The following CSNK1G3 variants were observed in gnomAD, a reference collection of about 807,000 sequenced individuals.
CSNK1G3 encodes casein kinase I isoform gamma-3.
CSNK1G3 carries 23 observed loss-of-function variants against 64.3 expected under a neutral mutation model. The ratio of observed to expected loss-of-function variants is 0.36; its 90% CI spans 0.26 to 0.51. The LOEUF (loss-of-function observed/expected upper bound fraction) is 0.51, where lower values mean the gene tolerates loss of function less well. Ranked by LOEUF, CSNK1G3 falls within the 20% of genes least tolerant of loss-of-function variation. The probability of loss-of-function intolerance (pLI) is 0.96; values close to 1 mark genes in which losing one functional copy is unlikely to be tolerated. For synonymous variants in CSNK1G3, 158 were observed against 162.2 expected (o/e 0.97, Z 0.20); for missense variants, 357 against 510.5 (o/e 0.70, Z 2.90).
chr5:123,573,118 C>G (rs1419806471), intron 4 of CSNK1G3, among the ~76,000 whole-genome samples: 1 of 152,072 alleles, frequency 6.6e-6, no homozygotes, highest in Non-Finnish European at 1.5e-5. Context: ...CAGCTTTTGT[C>G]CAGTAATAAG....
At chr5:123,549,048 T>A (rs1228061389) in intron 2 of CSNK1G3, among the ~76,000 whole-genome samples, 1 of 152,236 alleles carries the variant, frequency 6.6e-6, no homozygotes, top group East Asian at 1.9e-4. Flanking sequence ...AAATTCAAAG[T>A]ATGATTTCTA....
At chr5:123,599,139 GA>G (rs1793982780) in intron 10 of CSNK1G3, among the ~76,000 whole-genome samples, 2 of 152,236 alleles carry the variant, frequency 1.3e-5, no homozygotes, top group Non-Finnish European at 1.5e-5. Context: ...AGTGCAAACT[GA>G]AAATCTGATC....
intron 3 of CSNK1G3, among the ~76,000 whole-genome samples, chr5:123,553,593 G>T (rs1012970068): frequency 7.9e-5 from 12 of 152,210 alleles, no homozygotes; most frequent in African/African-American, 2.9e-4. Flanking sequence ...ATATGGCAAA[G>T]CTGGCTATTG....
intron 4 of CSNK1G3, among the ~76,000 whole-genome samples, chr5:123,567,683 A>G (rs1428103859): frequency 6.6e-6 from 1 of 152,228 alleles, no homozygotes; most frequent in Non-Finnish European, 1.5e-5. Flanking sequence ...GAAGTAAGTA[A>G]TAAAAGTTTG....
At chr5:123,551,835 A>G (rs1315948203) in intron 2 of CSNK1G3, among the ~76,000 whole-genome samples, 1 of 152,206 alleles carries the variant, frequency 6.6e-6, no homozygotes, top group African/African-American at 2.4e-5. Flanking sequence ...TCCTCACTAT[A>G]AAAGTAATAC....
intron 4 of CSNK1G3, among the ~76,000 whole-genome samples, chr5:123,567,584 C>A (rs138723421): frequency 6.6e-6 from 1 of 151,904 alleles, no homozygotes; most frequent in African/African-American, 2.4e-5. Flanking sequence ...CCAGCCTGGG[C>A]AATAGAGTGA....
intron 11 of CSNK1G3, 120 bp downstream of exon 12, chr5:123,604,950 CA>C (rs1314407843): frequency 1.5e-6 from 1 of 672,752 alleles, no homozygotes; most frequent in African/African-American, 1.8e-5. Flanking sequence ...GCATGCAAAA[CA>C]AGTGGTATGC....
At chr5:123,574,626 A>T (rs143633986) in intron 5 of CSNK1G3, among the ~76,000 whole-genome samples, 6 of 152,110 alleles carry the variant, frequency 3.9e-5, no homozygotes, top group African/African-American at 1.4e-4. Context: ...TTCAAGATCA[A>T]TCTGGGCAAC....
chr5:123,545,906 T>C, intron 2 of CSNK1G3, 65 bp downstream of exon 2: 2 of 1,272,256 alleles, frequency 1.6e-6, no homozygotes, highest in South Asian at 1.3e-5. Context: ...TACTTTTTAA[T>C]GAAAATGATT....
intron 2 of CSNK1G3, among the ~76,000 whole-genome samples, chr5:123,551,941 A>G (rs1439009575): frequency 6.6e-6 from 1 of 152,140 alleles, no homozygotes; most frequent in Non-Finnish European, 1.5e-5. Flanking sequence ...TTATCTTCAT[A>G]TACTTAGTGC....
chr5:123,527,180 T>C (rs1779240003), intron 1 of CSNK1G3, among the ~76,000 whole-genome samples: 1 of 152,188 alleles, frequency 6.6e-6, no homozygotes, highest in Non-Finnish European at 1.5e-5. Flanking sequence ...AATAGTGATT[T>C]ACGGGAGCCT....
At chr5:123,605,303 T>A (rs1795165811) in intron 11 of CSNK1G3, 36 bp from the exon 13 acceptor site, 8 of 1,574,866 alleles carry the variant, frequency 5.1e-6, no homozygotes, top group African/African-American at 1.4e-5. Flanking sequence ...TCTCTCTTTT[T>A]TTTCCTTGTA....
At chr5:123,610,201 G>T (rs1163898173) in intron 12 of CSNK1G3, among the ~76,000 whole-genome samples, 3 of 152,098 alleles carry the variant, frequency 2.0e-5, no homozygotes, top group Non-Finnish European at 4.4e-5. Context: ...TAGCTAAATG[G>T]TTCCTCGTTT....
rs1443954568 is a variant in CSNK1G3 at position 123,514,484 on chromosome 5, G to A, written c.-248+1914G>A. On this transcript the variant is annotated intron_variant, in intron 1 of 12. Transcript: ENST00000345990. ...TACTCTGTGGCAAGGATGGAACAGT[G>A]GGTAGAATATGAAGATGAATGAGAC... Among the ~76,000 whole-genome samples, 10 of 152,320 alleles carry A rather than the reference G, an allele frequency of 6.6e-5. No homozygotes were observed. The East Asian group carries it at 1.9e-3, about 29-fold the overall frequency.
chr5:123,572,873 G>A (rs7707274), intron 4 of CSNK1G3, among the ~76,000 whole-genome samples: 34,370 of 152,122 alleles, frequency 0.23, 4,146 homozygotes, highest in African/African-American at 0.29. Context: ...TACATTTGCC[G>A]TATAAGTTAG....
chr5:123,525,000 C>T (rs1778781519), intron 1 of CSNK1G3, among the ~76,000 whole-genome samples: 1 of 152,158 alleles, frequency 6.6e-6, no homozygotes, highest in Non-Finnish European at 1.5e-5. Flanking sequence ...TTCTCCACCT[C>T]AAGAATAAGA....
At chr5:123,535,114 G>A (rs1259544792) in intron 1 of CSNK1G3, among the ~76,000 whole-genome samples, 1 of 152,126 alleles carries the variant, frequency 6.6e-6, no homozygotes, top group Non-Finnish European at 1.5e-5. Flanking sequence ...AGTTATAACT[G>A]TGCCACTGCT....
At chr5:123,616,381 T>C (rs1045852642) in exon 13 of CSNK1G3, 2 of 152,534 alleles carry the variant, frequency 1.3e-5, no homozygotes, top group African/African-American at 4.8e-5. Context: ...CTCAGTAGGG[T>C]TTTTTGGATT....
intron 1 of CSNK1G3, among the ~76,000 whole-genome samples, chr5:123,539,805 T>G (rs1439280586): frequency 6.6e-6 from 1 of 152,188 alleles, no homozygotes; most frequent in African/African-American, 2.4e-5. Flanking sequence ...TACTTTTTTT[T>G]AATAGATTAA....
Sources: allele counts gnomAD v4.1 joint callset (sites outside exome capture counted in the v4.1 genomes callset), GRCh38; gene constraint gnomAD v4.1.1; transcripts MANE v1.5; gene names NCBI Gene and HGNC (gene_info 2026-07-23, HGNC 2026-07-21).